TANC2: variants seen among roughly 807,000 people sequenced by gnomAD.
TANC2 encodes tetratricopeptide repeat, ankyrin repeat and coiled-coil containing 2.
Under a neutral mutation model 210.5 loss-of-function variants are expected in TANC2, and 26 were observed. The observed-to-expected ratio is 0.12, with a 90% CI of 0.09 to 0.17. TANC2 has a LOEUF of 0.17. Among genes scored for constraint, TANC2 ranks in the 10% least tolerant of loss-of-function variants. The pLI, the probability that TANC2 is intolerant of heterozygous loss-of-function variation, is 1.00. For missense variants in TANC2, 2,129 were observed against 2,608.9 expected, an observed-to-expected ratio of 0.82 and a Z score of 4.01; for synonymous variants, 931 against 967.1, an observed-to-expected ratio of 0.96 and a Z score of 0.69.
chr17:63,376,814 CT>C (rs771564600), intron 14 of TANC2, among the ~76,000 whole-genome samples: 2,792 of 125,956 alleles, frequency 0.022, 66 homozygotes, highest in African/African-American at 0.071. Flanking sequence ...CCACTGTACT[CT>C]TTTTTTTTTT....
intron 1 of TANC2, among the ~76,000 whole-genome samples, chr17:62,979,387 T>TTA (rs2032188059): frequency 6.6e-6 from 1 of 152,188 alleles, no homozygotes; most frequent in Non-Finnish European, 1.5e-5. Flanking sequence ...TTTTGGTCTG[T>TTA]TATATGGGCA....
exon 17 of TANC2, chr17:63,389,453 C>A: frequency 6.2e-7 from 1 of 1,613,924 alleles, no homozygotes; most frequent in Non-Finnish European, 8.5e-7. Flanking sequence ...AACGTGGATG[C>A]CTCTTCTGAA....
chr17:63,073,268 C>G (rs1251505068), intron 2 of TANC2, among the ~76,000 whole-genome samples: 3 of 151,684 alleles, frequency 2.0e-5, no homozygotes, highest in Non-Finnish European at 4.4e-5. Flanking sequence ...CATAATTTTT[C>G]TGTTTCTATA....
At chr17:62,990,101 G>A (rs2032783349) in intron 1 of TANC2, among the ~76,000 whole-genome samples, 1 of 152,032 alleles carries the variant, frequency 6.6e-6, no homozygotes, top group Non-Finnish European at 1.5e-5. Context: ...GGTTAGAGAA[G>A]TTTGGTGAGT....
chr17:63,387,293 C>G (rs368667843), intron 15 of TANC2, among the ~76,000 whole-genome samples: 16 of 152,292 alleles, frequency 1.1e-4, no homozygotes, highest in African/African-American at 3.6e-4. Context: ...GCATTATTCA[C>G]CTTTCAGCCT....
chr17:63,137,543 A>G (rs190771265), intron 4 of TANC2, among the ~76,000 whole-genome samples: 109 of 152,328 alleles, frequency 7.2e-4, no homozygotes, highest in African/African-American at 2.5e-3. Flanking sequence ...TAATGAAGAT[A>G]GTTTATATAA....
At chr17:63,423,309 C>G (rs1258255593) in exon 28 of TANC2, 1 of 152,140 alleles carries the variant, frequency 6.6e-6, no homozygotes, top group Non-Finnish European at 1.5e-5. Context: ...AGCTTCTGAT[C>G]TTGAAGCTTG....
intron 4 of TANC2, among the ~76,000 whole-genome samples, chr17:63,101,667 A>C (rs960201289): frequency 6.6e-6 from 1 of 152,216 alleles, no homozygotes; most frequent in Non-Finnish European, 1.5e-5. Context: ...ATTTCAGTTG[A>C]GAGAAGATGT....
intron 8 of TANC2, among the ~76,000 whole-genome samples, chr17:63,250,237 T>G (rs937682343): frequency 6.6e-6 from 1 of 152,010 alleles, no homozygotes; most frequent in African/African-American, 2.4e-5. Flanking sequence ...ACTCACCTGA[T>G]TATGTCTTAT....
At chr17:63,009,416 C>G in intron 1 of TANC2, 121 bp from the exon 2 acceptor site, 1 of 600,502 alleles carries the variant, frequency 1.7e-6, no homozygotes, top group Non-Finnish European at 2.9e-6. Flanking sequence ...TATTGAGTGG[C>G]AAACAGTCCA....
intron 2 of TANC2, among the ~76,000 whole-genome samples, chr17:63,063,567 T>TA (rs1411244534): frequency 0.02 from 2,417 of 120,820 alleles, 84 homozygotes; most frequent in African/African-American, 0.084. Flanking sequence ...TGTGTGTGTG[T>TA]GTGTGTGTAG....
At chr17:63,314,347 G>A in intron 9 of TANC2, 41 bp from the exon 10 acceptor site, 1 of 1,600,360 alleles carries the variant, frequency 6.2e-7, no homozygotes, top group Non-Finnish European at 8.5e-7. Flanking sequence ...TCTCAATGTT[G>A]ACAGTTTGAC....
Position 63,354,771 on chromosome 17 carries a change from C to A in TANC2, c.1975-12C>A, listed in dbSNP as rs763251285. ...GGTCTTTCTGTCTCTTTCTCTCTCT[C>A]CATCTTTTTAGGAAATTACCAAGCT... On this transcript the variant is annotated splice_polypyrimidine_tract_variant and intron_variant, in intron 13 of 27. Coordinates refer to ENST00000689528, the Ensembl canonical transcript of TANC2. 6.5e-7 allele frequency: 1 copy of A among 1,546,808 alleles called. No individual in the cohort carries two copies. The highest frequency in any genetic ancestry group is 1.3e-5 in the South Asian group (1 of 78,070).
intron 5 of TANC2, among the ~76,000 whole-genome samples, chr17:63,171,336 G>A (rs2040398967): frequency 2.6e-5 from 4 of 151,994 alleles, no homozygotes; most frequent in African/African-American, 7.2e-5. Flanking sequence ...GCCTGCCTCC[G>A]CCTCCCAAAG....
intron 5 of TANC2, among the ~76,000 whole-genome samples, chr17:63,187,769 G>A (rs2041045508): frequency 6.6e-6 from 1 of 151,684 alleles, no homozygotes; most frequent in Non-Finnish European, 1.5e-5. Context: ...AAATCAGTCA[G>A]AAAAATCACA....
At chr17:63,086,520 G>A (rs2036971051) in intron 3 of TANC2, among the ~76,000 whole-genome samples, 1 of 152,140 alleles carries the variant, frequency 6.6e-6, no homozygotes. Context: ...TAATGTTTTT[G>A]ATGTACGTTT....
At chr17:63,358,935 T>C (rs982757882) in intron 14 of TANC2, among the ~76,000 whole-genome samples, 1 of 151,790 alleles carries the variant, frequency 6.6e-6, no homozygotes, top group Non-Finnish European at 1.5e-5. Flanking sequence ...TTTCATGATA[T>C]CTAACTTTCC....
chr17:63,219,459 G>A (rs540263381), intron 7 of TANC2, among the ~76,000 whole-genome samples: 3 of 151,766 alleles, frequency 2.0e-5, no homozygotes, highest in East Asian at 3.9e-4. Flanking sequence ...TCAATTCCTC[G>A]TCTATACATT....
intron 12 of TANC2, among the ~76,000 whole-genome samples, chr17:63,348,292 G>A (rs185019182): frequency 7.8e-4 from 118 of 152,240 alleles, no homozygotes; most frequent in African/African-American, 2.7e-3. Context: ...CAGGCACCTA[G>A]GTAGAGTCTT....
Sources: gnomAD v4.1 joint callset for allele counts (sites outside exome capture counted in the v4.1 genomes callset) on GRCh38, gnomAD v4.1.1 for gene constraint, MANE v1.5 for transcripts, NCBI Gene and HGNC (gene_info 2026-07-23, HGNC 2026-07-21) for gene names.